The following CDH13 variants were observed in gnomAD, a reference collection of about 807,000 sequenced individuals.
CDH13 encodes the protein cadherin-13.
Under a neutral mutation model 63.8 loss-of-function variants are expected in CDH13, and 24 were observed. That is an observed-to-expected ratio of 0.38 (90% CI 0.27 to 0.53). The LOEUF is 0.53. Ranked by LOEUF, CDH13 falls within the 20% of genes least tolerant of loss-of-function variation. The probability of loss-of-function intolerance (pLI) is 0.85; values close to 1 mark genes in which losing one functional copy is unlikely to be tolerated. For missense variants in CDH13, 1,049 were observed against 903.1 expected, an observed-to-expected ratio of 1.16 and a Z score of -2.07; for synonymous variants, 503 against 355.3, an observed-to-expected ratio of 1.42 and a Z score of -4.67.
rs559212341 is a variant in CDH13, at chr16:83,288,521, C to A, written c.637-56341C>A. On this transcript the variant is annotated intron_variant, in intron 5 of 13. Coordinates refer to ENST00000567109, the MANE Select transcript of CDH13 (RefSeq NM_001257.5). Reference sequence around the variant, plus strand: ...GCAGGGCAGAGACAGGGTGGCAGCTCCCTGTGCCTTCTGGAAGCCATCCCC... The same window carrying A: ...GCAGGGCAGAGACAGGGTGGCAGCTACCTGTGCCTTCTGGAAGCCATCCCC... 3.9e-5 allele frequency among the ~76,000 whole-genome samples: 6 copies of A among 152,236 alleles called. No homozygotes were observed. In the East Asian group the frequency reaches 1.2e-3, roughly 30 times the overall value.
intron 6 of CDH13, among the ~76,000 whole-genome samples, chr16:83,466,268 A>G (rs889330211): frequency 6.6e-6 from 1 of 152,202 alleles, no homozygotes; most frequent in Admixed American, 6.5e-5. Flanking sequence ...AGTAAGGAAG[A>G]CACCAGGTTC....
chr16:83,615,332 T>C (rs1031753590), intron 8 of CDH13, among the ~76,000 whole-genome samples: 1 of 152,064 alleles, frequency 6.6e-6, no homozygotes, highest in Non-Finnish European at 1.5e-5. Flanking sequence ...GCCAACCACA[T>C]ATTTCTTAGA....
chr16:82,888,401 A>G (rs778551344), intron 2 of CDH13, among the ~76,000 whole-genome samples: 7 of 152,194 alleles, frequency 4.6e-5, no homozygotes, highest in Non-Finnish European at 8.8e-5. Flanking sequence ...GGAGGCTTCA[A>G]ATTCCTCCTC....
intron 4 of CDH13, among the ~76,000 whole-genome samples, chr16:83,186,456 C>T (rs1183043136): frequency 2.6e-5 from 4 of 152,058 alleles, no homozygotes; most frequent in South Asian, 2.1e-4. Flanking sequence ...CTTAGTCATT[C>T]GACTTTTCGA....
chr16:82,750,960 G>A (rs1002750358), intron 1 of CDH13, among the ~76,000 whole-genome samples: 12 of 152,150 alleles, frequency 7.9e-5, no homozygotes, highest in Non-Finnish European at 1.6e-4. Flanking sequence ...AACAGTGATG[G>A]AATGAAAGCT....
chr16:83,242,137 T>C (rs924763710), intron 5 of CDH13, among the ~76,000 whole-genome samples: 15 of 152,234 alleles, frequency 9.9e-5, no homozygotes, highest in Non-Finnish European at 1.2e-4. Context: ...AATTCAGCCA[T>C]ATACATAAGG....
chr16:83,512,195 C>G (rs145272424), intron 7 of CDH13, among the ~76,000 whole-genome samples: 1 of 151,374 alleles, frequency 6.6e-6, no homozygotes, highest in African/African-American at 2.4e-5. Context: ...GTGGCGGGTG[C>G]CTGTAGTCCC....
chr16:83,277,634 G>A (rs1162377203), intron 5 of CDH13, among the ~76,000 whole-genome samples: 1 of 152,120 alleles, frequency 6.6e-6, no homozygotes, highest in Non-Finnish European at 1.5e-5. Flanking sequence ...GCTTCCAGAG[G>A]CTTCCTGGTG....
intron 2 of CDH13, among the ~76,000 whole-genome samples, chr16:83,018,354 A>T (rs1244818240): frequency 6.6e-6 from 1 of 152,216 alleles, no homozygotes; most frequent in African/African-American, 2.4e-5. Flanking sequence ...TTTATCCCTT[A>T]CTGCCTACTG....
At chr16:83,014,319 T>TA (rs34322579) in intron 2 of CDH13, among the ~76,000 whole-genome samples, 3,786 of 67,682 alleles carry the variant, frequency 0.056, 119 homozygotes, top group East Asian at 0.16. Flanking sequence ...CCCAAATCGA[T>TA]AAAAAAAAAA....
chr16:83,007,461 A>G (rs996067621), intron 2 of CDH13, among the ~76,000 whole-genome samples: 7 of 152,216 alleles, frequency 4.6e-5, no homozygotes, highest in African/African-American at 1.7e-4. Flanking sequence ...CTGAGCTCTG[A>G]TTCCAGAGTT....
intron 1 of CDH13, among the ~76,000 whole-genome samples, chr16:82,741,185 C>A (rs937454549): frequency 1.4e-4 from 22 of 152,192 alleles, no homozygotes; most frequent in East Asian, 5.8e-4. Flanking sequence ...ATCCCTGTTG[C>A]CATTGATATA....
At chr16:83,715,427 A>T (rs972363143) in intron 10 of CDH13, among the ~76,000 whole-genome samples, 5 of 152,076 alleles carry the variant, frequency 3.3e-5, no homozygotes, top group Admixed American at 1.3e-4. Context: ...AGCATTTTCG[A>T]GTATTTATAC....
intron 4 of CDH13, among the ~76,000 whole-genome samples, chr16:83,184,200 A>G (rs1242882949): frequency 6.6e-6 from 1 of 151,742 alleles, no homozygotes; most frequent in Admixed American, 6.6e-5. Context: ...TGGCTTGAAT[A>G]TATTTTGTAG....
At chr16:83,270,582 T>A (rs1180681132) in intron 5 of CDH13, among the ~76,000 whole-genome samples, 1 of 152,148 alleles carries the variant, frequency 6.6e-6, no homozygotes, top group Non-Finnish European at 1.5e-5. Flanking sequence ...AGCTCACGTG[T>A]AGGTGCAAGT....
At chr16:83,113,516 G>A (rs2035160630) in intron 3 of CDH13, among the ~76,000 whole-genome samples, 1 of 152,252 alleles carries the variant, frequency 6.6e-6, no homozygotes, top group Non-Finnish European at 1.5e-5. Flanking sequence ...AGCAGACCAG[G>A]AAAATGTAGA....
chr16:82,942,500 G>C (rs1904301695), intron 2 of CDH13, among the ~76,000 whole-genome samples: 1 of 152,128 alleles, frequency 6.6e-6, no homozygotes, highest in Non-Finnish European at 1.5e-5. Context: ...TTGACCTAAG[G>C]GAAGAGGGTC....
At chr16:82,627,360 G>GTGTT (rs1907435585) in intron 1 of CDH13, among the ~76,000 whole-genome samples, 1 of 151,804 alleles carries the variant, frequency 6.6e-6, no homozygotes, top group Non-Finnish European at 1.5e-5. Flanking sequence ...GTGTGTGTGT[G>GTGTT]TGTGTGTGTG....
At chr16:83,320,437 A>G (rs2090198504) in intron 5 of CDH13, among the ~76,000 whole-genome samples, 1 of 152,220 alleles carries the variant, frequency 6.6e-6, no homozygotes, top group Non-Finnish European at 1.5e-5. Context: ...TCACCCAGGC[A>G]TTGCTAGAAA....
Sources: allele counts gnomAD v4.1 joint callset (sites outside exome capture counted in the v4.1 genomes callset), GRCh38; gene constraint gnomAD v4.1.1; transcripts MANE v1.5; gene names NCBI Gene and HGNC (gene_info 2026-07-23, HGNC 2026-07-21).